The following PIGM variants were observed in gnomAD, a reference collection of about 807,000 sequenced individuals.
PIGM encodes phosphatidylinositol glycan anchor biosynthesis class M, also known as GPI alpha-1,4-mannosyltransferase I, catalytic subunit.
Under a neutral mutation model 14.6 loss-of-function variants are expected in PIGM, and 7 were observed. That is an observed-to-expected ratio of 0.48 (90% CI 0.27 to 0.90). The LOEUF (loss-of-function observed/expected upper bound fraction) is 0.90. PIGM is among the 40% of genes least tolerant of loss of function. The probability of loss-of-function intolerance (pLI) is 0.12; values close to 1 mark genes in which losing one functional copy is unlikely to be tolerated. For synonymous variants in PIGM, 216 were observed against 215.9 expected (o/e 1.00, Z 0.00); for missense variants, 506 against 516.2 (o/e 0.98, Z 0.19).
rs945249534 is a variant in PIGM, at chr1:160,028,557, A to G, written c.*1911T>C. 2.0e-5 allele frequency: 3 copies of G among 152,192 alleles called. No homozygotes were observed. Among genetic ancestry groups the G allele is most frequent in the Admixed American group, 6.5e-5 (1 of 15,278 alleles). 9.4% of individuals were successfully genotyped at this position (152,192 alleles called of 1,614,324 possible). A position where few individuals can be genotyped will look rare whatever the true frequency, so the allele number is the denominator to read the frequency against. On this transcript the variant is annotated 3_prime_UTR_variant, in exon 1 of 1. Coordinates refer to ENST00000368090, the MANE Select transcript of PIGM (RefSeq NM_145167.3). Reference sequence around the variant, plus strand: ...CATCCAAGAAGTGCTGCCAATAATAACATTGTTAATTGTGACCAGCCTATA... The same window carrying G: ...CATCCAAGAAGTGCTGCCAATAATAGCATTGTTAATTGTGACCAGCCTATA...
Position 160,031,018 on chromosome 1 carries a change from A to G in PIGM, c.722T>C (p.Leu241Pro). 3 of 1,614,132 alleles carry G rather than the reference A, an allele frequency of 1.9e-6. No individual in the cohort carries two copies. Among genetic ancestry groups the G allele is most frequent in the Non-Finnish European group, 2.5e-6 (3 of 1,179,994 alleles). Residue 241 changes from leucine (L) to proline (P), a missense_variant, in exon 1 of 1, where the codon CTG (leucine) becomes CCG (proline). By Grantham distance (98) the Leu-to-Pro change is moderately conservative. Coordinates refer to ENST00000368090, the MANE Select transcript of PIGM (RefSeq NM_145167.3). ...VAVAGLTFFA[L>P]SFGFYYEYGW... ...GTACTCATAGTAAAAACCAAAGCTC[A>G]GGGCAAAAAACGTGAGTCCAGCAAC...
In PIGM at chr1:160,031,772, C is replaced by A. The variant is rs1557964553; in HGVS notation, c.-33G>T. 3 of 1,613,132 alleles carry A rather than the reference C, an allele frequency of 1.9e-6. No individual in the cohort carries two copies. Among genetic ancestry groups the A allele is most frequent in the Non-Finnish European group, 2.5e-6 (3 of 1,179,554 alleles). On this transcript the variant is annotated 5_prime_UTR_variant, in exon 1 of 1. Coordinates refer to ENST00000368090, the MANE Select transcript of PIGM (RefSeq NM_145167.3). ...CCGTGCGACAGCTGCTTAGCCCCAG[C>A]TCCAAACTGCCTTCGTACTTCTAAC...
Position 160,030,855 on chromosome 1 carries a change from G to A in PIGM, c.885C>T (p.Phe295=), listed in dbSNP as rs148893584. The change falls in exon 1 of 1, where the codon TTC becomes TTT. Residue 295 remains phenylalanine, a synonymous_variant. Coordinates refer to ENST00000368090, the MANE Select transcript of PIGM (RefSeq NM_145167.3). The part of the protein sequence containing the change: ...KWSFSLGIAA[F]LPQLILLSAV... Reference sequence around the variant, plus strand: ...CTGAAAGCAAGATGAGCTGTGGCAGGAATGCAGCAATTCCCAGGGAAAAAC... The same window carrying A: ...CTGAAAGCAAGATGAGCTGTGGCAGAAATGCAGCAATTCCCAGGGAAAAAC... The A allele has an allele frequency of 6.2e-7, 1 of 1,614,234 alleles. No individual in the cohort carries two copies. Among genetic ancestry groups the A allele is most frequent in the Non-Finnish European group, 8.5e-7 (1 of 1,180,040 alleles).
rs751888594 is a variant in PIGM at position 160,031,521 on chromosome 1, C to T, written c.219G>A (p.Thr73=). The change falls in exon 1 of 1, where the codon ACG becomes ACA. Residue 73 remains threonine, a synonymous_variant. Coordinates refer to ENST00000368090, the MANE Select transcript of PIGM (RefSeq NM_145167.3). ...AACCCAGCAGCGGGGTGTAACGGTACGTGGCTCTCAGGTAAGGCGAGCGCC... is the reference window on the plus strand; with the variant it reads ...AACCCAGCAGCGGGGTGTAACGGTATGTGGCTCTCAGGTAAGGCGAGCGCC... ...TEGRSPYLRA[T]YRYTPLLGWL... is the part of the protein sequence containing the mutation. 1 of 1,614,158 alleles carries T rather than the reference C, an allele frequency of 6.2e-7. No homozygotes were observed. Among genetic ancestry groups the T allele is most frequent in the Non-Finnish European group, 8.5e-7 (1 of 1,180,028 alleles).
At position 160,031,967 on chromosome 1, in the gene PIGM, C is replaced by T. The variant is rs1321825033; in HGVS notation, c.-228G>A. The T allele has an allele frequency of 1.6e-6, 1 of 638,710 alleles. No individual in the cohort carries two copies. Among genetic ancestry groups the T allele is most frequent in the African/African-American group, 1.8e-5 (1 of 55,260 alleles). The allele number at this position is 638,710 out of a possible 1,614,324, so 39.6% of individuals were successfully genotyped here. On this transcript the variant is annotated 5_prime_UTR_variant, in exon 1 of 1. Transcript: ENST00000368090. ...CCGCCCGAGCCAAAAACTTGCCTTC[C>T]TCTGGATGGACGGTCTCGCTTCCGC...
At position 160,031,723 on chromosome 1, in the gene PIGM, T is replaced by C; in HGVS notation, c.17A>G (p.His6Arg). The change falls in exon 1 of 1, where the codon CAC becomes CGC. Residue 6 changes from histidine (H) to arginine (R), a missense_variant. Transcript: ENST00000368090. Reference protein sequence around the residue: MGSTKHWGEWLLNLKV... With the variant: MGSTKRWGEWLLNLKV... ...CAAGTTCAGGAGCCATTCGCCCCAG[T>C]GCTTGGTGGAGCCCATGATCTGACC... 1 of 1,614,174 alleles carries C rather than the reference T, an allele frequency of 6.2e-7. No individual in the cohort carries two copies. The highest frequency in any genetic ancestry group is 8.5e-7 in the Non-Finnish European group (1 of 1,180,022).
rs1648241099 is a variant in PIGM, at chr1:160,028,845, A to G, written c.*1623T>C. 1 of 152,122 alleles carries G rather than the reference A, an allele frequency of 6.6e-6. No homozygotes were observed. Among genetic ancestry groups the G allele is most frequent in the Admixed American group, 6.5e-5 (1 of 15,276 alleles). The allele number at this position is 152,122 out of a possible 1,614,324, so 9.4% of individuals were successfully genotyped here. A position where few individuals can be genotyped will look rare whatever the true frequency, so the allele number is the denominator to read the frequency against. ...ACAACTCAGAAAGCATTTTTCCCCC[A>G]GAAATATTACAGTGATAAGGGAAAC... On this transcript the variant is annotated 3_prime_UTR_variant, in exon 1 of 1. Transcript: ENST00000368090.
rs985658874 is a variant in PIGM at position 160,026,252 on chromosome 1, C to T, written c.*4216G>A. ...GATTATCCACCATGTTCTTTCCTTC[C>T]TCGGAATCTTTGAGATCCAAGAACG... is the stretch of plus-strand genomic sequence containing the variant. On this transcript the variant is annotated 3_prime_UTR_variant, in exon 1 of 1. Transcript: ENST00000368090. 8 of 152,118 alleles carry T rather than the reference C, an allele frequency of 5.3e-5. No homozygotes were observed. The highest frequency in any genetic ancestry group is 1.7e-4 in the African/African-American group (7 of 41,418). The allele number at this position is 152,118 out of a possible 1,614,324, so 9.4% of individuals were successfully genotyped here.
Position 160,030,340 on chromosome 1 carries a change from G to C in PIGM, c.*128C>G. 1 of 1,009,710 alleles carries C rather than the reference G, an allele frequency of 9.9e-7. No homozygotes were observed. The highest frequency in any genetic ancestry group is 1.3e-5 in the South Asian group (1 of 76,022). The allele number at this position is 1,009,710 out of a possible 1,614,324, so 62.5% of individuals were successfully genotyped here. ...TATATAAGGCAAACATTGCTTTTAAGTTCTGTTGGAACATGGGAACTTTCA... is the reference window on the plus strand; with the variant it reads ...TATATAAGGCAAACATTGCTTTTAACTTCTGTTGGAACATGGGAACTTTCA... On this transcript the variant is annotated 3_prime_UTR_variant, in exon 1 of 1. Coordinates refer to ENST00000368090, the MANE Select transcript of PIGM (RefSeq NM_145167.3).
Position 160,028,403 on chromosome 1 carries a change from T to C in PIGM, c.*2065A>G, listed in dbSNP as rs544742283. ...CTCAAGACAAGACCTAATATGGGTA[T>C]GAAACTAAATGTTATAAGGAAGGTC... On this transcript the variant is annotated 3_prime_UTR_variant, in exon 1 of 1. Transcript: ENST00000368090. 2 of 152,216 alleles carry C rather than the reference T, an allele frequency of 1.3e-5. No individual in the cohort carries two copies. Among genetic ancestry groups the C allele is most frequent in the East Asian group, 3.9e-4 (2 of 5,180 alleles). The allele number at this position is 152,216 out of a possible 1,614,324, so 9.4% of individuals were successfully genotyped here. A position where few individuals can be genotyped will look rare whatever the true frequency, so the allele number is the denominator to read the frequency against.
rs1464336180 is a variant in PIGM, at chr1:160,028,190, T to C, written c.*2278A>G. ...AAAAACAATAATTAGTAAGTAAATA[T>C]AATTATAAAACCAAGTCAGAAATAC... On this transcript the variant is annotated 3_prime_UTR_variant, in exon 1 of 1. Transcript: ENST00000368090. The C allele has an allele frequency of 6.6e-6, 1 of 151,842 alleles. No individual in the cohort carries two copies. The highest frequency in any genetic ancestry group is 2.4e-5 in the African/African-American group (1 of 41,332). 9.4% of individuals were successfully genotyped at this position (151,842 alleles called of 1,614,324 possible). A position where few individuals can be genotyped will look rare whatever the true frequency, so the allele number is the denominator to read the frequency against.
rs767683337 is a variant in PIGM at position 160,026,532 on chromosome 1, T to C, written c.*3936A>G. The C allele has an allele frequency of 2.0e-5, 3 of 152,170 alleles. No homozygotes were observed. The highest frequency in any genetic ancestry group is 2.9e-5 in the Non-Finnish European group (2 of 68,030). The allele number at this position is 152,170 out of a possible 1,614,324, so 9.4% of individuals were successfully genotyped here. A position where few individuals can be genotyped will look rare whatever the true frequency, so the allele number is the denominator to read the frequency against. On this transcript the variant is annotated 3_prime_UTR_variant, in exon 1 of 1. Transcript: ENST00000368090. The stretch of plus-strand genomic sequence containing the variant: ...TTGTTGAATTTAGATGATGGCAATA[T>C]GAGTAGTGTTTAAAATAGTTAGGTC...
chr1:160,030,385 C>T lies in PIGM; in HGVS notation c.*83G>A. ...CTTTCACTAGAATGCTTAGAATGTTCAGAAAAAATGTCCCAAAGCTCTCTT... is the reference window on the plus strand; with the variant it reads ...CTTTCACTAGAATGCTTAGAATGTTTAGAAAAAATGTCCCAAAGCTCTCTT... On this transcript the variant is annotated 3_prime_UTR_variant, in exon 1 of 1. Coordinates refer to ENST00000368090, the MANE Select transcript of PIGM (RefSeq NM_145167.3). The T allele has an allele frequency of 1.4e-6, 2 of 1,410,952 alleles. No homozygotes were observed. The highest frequency in any genetic ancestry group is 1.0e-6 in the Non-Finnish European group (1 of 998,916). The allele number at this position is 1,410,952 out of a possible 1,614,324, so 87.4% of individuals were successfully genotyped here.
At position 160,026,303 on chromosome 1, in the gene PIGM, A is replaced by G. The variant is rs1356666807; in HGVS notation, c.*4165T>C. 1 of 152,220 alleles carries G rather than the reference A, an allele frequency of 6.6e-6. No individual in the cohort carries two copies. The highest frequency in any genetic ancestry group is 1.9e-4 in the East Asian group (1 of 5,202). The allele number at this position is 152,220 out of a possible 1,614,324, so 9.4% of individuals were successfully genotyped here. A position where few individuals can be genotyped will look rare whatever the true frequency, so the allele number is the denominator to read the frequency against. Reference sequence around the variant, plus strand: ...TCTGTTCTTTAAGATGTAACAAAAAACACCTGAAGAAATTTGAAAATGACA... The same window carrying G: ...TCTGTTCTTTAAGATGTAACAAAAAGCACCTGAAGAAATTTGAAAATGACA... On this transcript the variant is annotated 3_prime_UTR_variant, in exon 1 of 1. Transcript: ENST00000368090.
In PIGM at chr1:160,030,173, T is replaced by C. The variant is rs1348411244; in HGVS notation, c.*295A>G. ...AACCTGATGTCTCTAACTATATTCCTCTATTTTAAGAATGTTTTAGTATCT... is the reference window on the plus strand; with the variant it reads ...AACCTGATGTCTCTAACTATATTCCCCTATTTTAAGAATGTTTTAGTATCT... On this transcript the variant is annotated 3_prime_UTR_variant, in exon 1 of 1. Transcript: ENST00000368090. The C allele has an allele frequency of 2.8e-6, 1 of 357,210 alleles. No individual in the cohort carries two copies. The highest frequency in any genetic ancestry group is 6.3e-5 in the East Asian group (1 of 15,772). 22.1% of individuals were successfully genotyped at this position (357,210 alleles called of 1,614,324 possible).
Position 160,031,124 on chromosome 1 carries a change from G to C in PIGM, c.616C>G (p.Gln206Glu). Residue 206 changes from glutamine (Q) to glutamate (E), a missense_variant, in exon 1 of 1, where the codon CAA (glutamine) becomes GAA (glutamate). Transcript: ENST00000368090. ...PDRDNDKSLR[Q>E]FRYTFQACLY... ...CAAGCCTGGAAAGTGTACCGGAATT[G>C]ACGGAGGCTTTTGTCATTGTCGCGA... is the stretch of plus-strand genomic sequence containing the variant. 6.2e-7 allele frequency: 1 copy of C among 1,613,952 alleles called. No homozygotes were observed. Among genetic ancestry groups the C allele is most frequent in the Non-Finnish European group, 8.5e-7 (1 of 1,179,868 alleles).
Position 160,031,883 on chromosome 1 carries a change from C to A in PIGM, c.-144G>T. 4 of 997,832 alleles carry A rather than the reference C, an allele frequency of 4.0e-6. No homozygotes were observed. In the South Asian group the frequency reaches 5.5e-5, roughly 14 times the overall value. 61.8% of individuals were successfully genotyped at this position (997,832 alleles called of 1,614,324 possible). On this transcript the variant is annotated 5_prime_UTR_variant, in exon 1 of 1. Transcript: ENST00000368090. ...CGAAACGACTGCAGACTATCACATCCGGCATGAAGCCCCGCCCCCGTACTG... is the reference window on the plus strand; with the variant it reads ...CGAAACGACTGCAGACTATCACATCAGGCATGAAGCCCCGCCCCCGTACTG...
rs1257619816 is a variant in PIGM, at chr1:160,029,215, A to G, written c.*1253T>C. ...TAGTTTGTGTAGGACCACAAACATTAAAGGCAAGATGATAGTTTTAAAAAT... is the reference window on the plus strand; with the variant it reads ...TAGTTTGTGTAGGACCACAAACATTGAAGGCAAGATGATAGTTTTAAAAAT... On this transcript the variant is annotated 3_prime_UTR_variant, in exon 1 of 1. Transcript: ENST00000368090. 6.6e-6 allele frequency: 1 copy of G among 152,180 alleles called. No homozygotes were observed. The highest frequency in any genetic ancestry group is 1.5e-5 in the Non-Finnish European group (1 of 68,030). 9.4% of individuals were successfully genotyped at this position (152,180 alleles called of 1,614,324 possible).
rs1648297644 is a variant in PIGM at position 160,030,585 on chromosome 1, G to A, written c.1155C>T (p.Thr385=). Reference sequence around the variant, plus strand: ...AACCAGCTAACCAAATAAACAGAAAGGTGTTCTTTCCTTGAAACTCTAGAA... The same window carrying A: ...AACCAGCTAACCAAATAAACAGAAAAGTGTTCTTTCCTTGAAACTCTAGAA... The part of the protein sequence containing the change: ...AYVLEFQGKN[T]FLFIWLAGLF... The change falls in exon 1 of 1, where the codon ACC becomes ACT. Residue 385 remains threonine (T), a synonymous_variant. Coordinates refer to ENST00000368090, the MANE Select transcript of PIGM (RefSeq NM_145167.3). 6.2e-7 allele frequency: 1 copy of A among 1,613,932 alleles called. No individual in the cohort carries two copies. Among genetic ancestry groups the A allele is most frequent in the African/African-American group, 1.3e-5 (1 of 74,926 alleles).
Sources: allele counts gnomAD v4.1 joint callset, GRCh38; gene constraint gnomAD v4.1.1; transcripts MANE v1.5; gene names NCBI Gene and HGNC (gene_info 2026-07-23, HGNC 2026-07-21).